CNTNAP2: variants seen among roughly 807,000 people sequenced by gnomAD.
CNTNAP2 encodes contactin associated protein 2, also known as contactin-associated protein-like 2.
CNTNAP2 carries 98 observed loss-of-function variants against 155.2 expected under a neutral mutation model. The ratio of observed to expected loss-of-function variants is 0.63; its 90% CI spans 0.54 to 0.75. The LOEUF is 0.75. CNTNAP2 is among the 30% of genes least tolerant of loss of function. CNTNAP2 has a pLI of 0.00. For synonymous variants in CNTNAP2, 651 were observed against 631.2 expected (o/e 1.03, Z -0.47); for missense variants, 1,727 against 1,688.1 (o/e 1.02, Z -0.40).
chr7:147,393,558 C>G (rs916600352), intron 9 of CNTNAP2, among the ~76,000 whole-genome samples: 2 of 151,408 alleles, frequency 1.3e-5, no homozygotes, highest in African/African-American at 4.8e-5. Flanking sequence ...GGTGTTTTCT[C>G]TCTGCTAAGT....
chr7:148,159,520 A>G (rs1000461979), intron 17 of CNTNAP2, among the ~76,000 whole-genome samples: 2 of 152,102 alleles, frequency 1.3e-5, no homozygotes. Flanking sequence ...CATTATGTGT[A>G]TTTACCACGC....
intron 3 of CNTNAP2, among the ~76,000 whole-genome samples, chr7:147,022,611 T>TG (rs1238427076): frequency 1.3e-5 from 2 of 151,572 alleles, no homozygotes; most frequent in African/African-American, 4.8e-5. Context: ...ACACATGGTT[T>TG]TTTTTTTTTT....
rs118156673 is a variant in CNTNAP2 at position 147,648,136 on chromosome 7, T to C, written c.2098+8830T>C. On this transcript the variant is annotated intron_variant, in intron 13 of 23. Transcript: ENST00000361727. ...AGAGTAGGGGTTTAAAAATGTTTGATATTTTTAGGGATGAGGAGTTGTAAG... is the reference window on the plus strand; with the variant it reads ...AGAGTAGGGGTTTAAAAATGTTTGACATTTTTAGGGATGAGGAGTTGTAAG... 6.0e-3 allele frequency among the ~76,000 whole-genome samples: 917 copies of C among 152,304 alleles called. 7 individuals are homozygous for C. Among genetic ancestry groups the C allele is most frequent in the Middle Eastern group, 0.01 (3 of 294 alleles).
At chr7:147,973,870 C>T (rs112914151) in intron 14 of CNTNAP2, among the ~76,000 whole-genome samples, 4 of 152,232 alleles carry the variant, frequency 2.6e-5, no homozygotes, top group African/African-American at 9.6e-5. Flanking sequence ...TCATTCTTCT[C>T]ATCAGTAAAA....
chr7:146,137,535 T>A (rs545054921), intron 1 of CNTNAP2, among the ~76,000 whole-genome samples: 1 of 152,222 alleles, frequency 6.6e-6, no homozygotes, highest in African/African-American at 2.4e-5. Flanking sequence ...TACGCTGTAC[T>A]AGCAAACTGT....
chr7:147,085,009 A>T (rs973642341), intron 4 of CNTNAP2, among the ~76,000 whole-genome samples: 1 of 151,974 alleles, frequency 6.6e-6, no homozygotes, highest in East Asian at 1.9e-4. Flanking sequence ...AGTACTTATA[A>T]AATCAGGCTT....
chr7:147,623,757 A>T (rs1454698809), intron 12 of CNTNAP2, among the ~76,000 whole-genome samples: 1 of 131,680 alleles, frequency 7.6e-6, no homozygotes, highest in Non-Finnish European at 1.5e-5. Context: ...AAAAATTTTA[A>T]ATTTAAAATT....
At chr7:147,229,547 C>G (rs1216225239) in intron 8 of CNTNAP2, among the ~76,000 whole-genome samples, 2 of 152,174 alleles carry the variant, frequency 1.3e-5, no homozygotes, top group Non-Finnish European at 2.9e-5. Context: ...AATGCAGACA[C>G]AGTGACAGGT....
chr7:147,728,178 T>C, intron 13 of CNTNAP2, among the ~76,000 whole-genome samples: 1 of 148,806 alleles, frequency 6.7e-6, no homozygotes, highest in Non-Finnish European at 1.5e-5. Flanking sequence ...ACACAATGTG[T>C]GTGTGTGTGT....
intron 18 of CNTNAP2, among the ~76,000 whole-genome samples, chr7:148,216,778 A>T (rs1422659801): frequency 6.6e-6 from 1 of 152,166 alleles, no homozygotes; most frequent in East Asian, 1.9e-4. Flanking sequence ...AGTTCCCATA[A>T]TCCCCTCATG....
intron 13 of CNTNAP2, among the ~76,000 whole-genome samples, chr7:147,744,986 C>T (rs1266987510): frequency 6.6e-6 from 1 of 152,110 alleles, no homozygotes; most frequent in East Asian, 1.9e-4. Flanking sequence ...GATCAAGGGA[C>T]ACCTAGTTCA....
chr7:146,267,197 C>T (rs1454176798), intron 1 of CNTNAP2, among the ~76,000 whole-genome samples: 1 of 152,052 alleles, frequency 6.6e-6, no homozygotes, highest in Admixed American at 6.6e-5. Context: ...TTTATGTGCT[C>T]ATCAAATGGA....
intron 1 of CNTNAP2, among the ~76,000 whole-genome samples, chr7:146,483,149 G>A (rs1584945696): frequency 1.3e-5 from 2 of 149,746 alleles, no homozygotes; most frequent in African/African-American, 2.4e-5. Context: ...GGTGGCGGGC[G>A]CCTGTAGTCT....
intron 13 of CNTNAP2, among the ~76,000 whole-genome samples, chr7:147,769,936 T>C (rs1367753290): frequency 6.6e-6 from 1 of 152,178 alleles, no homozygotes; most frequent in African/African-American, 2.4e-5. Flanking sequence ...TCACTTAGTA[T>C]AGACTCAGGA....
intron 8 of CNTNAP2, among the ~76,000 whole-genome samples, chr7:147,147,409 T>C (rs1291462863): frequency 4.6e-5 from 7 of 152,252 alleles, no homozygotes; most frequent in South Asian, 2.1e-4. Context: ...TAAAATCAAA[T>C]GTACATCAAC....
At chr7:146,748,619 A>G (rs776248458) in intron 1 of CNTNAP2, among the ~76,000 whole-genome samples, 8 of 152,202 alleles carry the variant, frequency 5.3e-5, no homozygotes, top group South Asian at 2.1e-4. Flanking sequence ...TTTTTCTTTC[A>G]GTAGTTTAGA....
At chr7:147,135,764 T>C (rs1222764822) in intron 8 of CNTNAP2, among the ~76,000 whole-genome samples, 2 of 150,076 alleles carry the variant, frequency 1.3e-5, no homozygotes, top group Non-Finnish European at 3.0e-5. Flanking sequence ...GATATTTTCT[T>C]TTCTTTTGCT....
intron 8 of CNTNAP2, among the ~76,000 whole-genome samples, chr7:147,139,008 A>G (rs552208682): frequency 7.9e-5 from 12 of 152,198 alleles, no homozygotes; most frequent in Non-Finnish European, 1.5e-4. Flanking sequence ...TGATACTAAG[A>G]GAATAAAAAT....
At chr7:146,487,127 A>G (rs1370315185) in intron 1 of CNTNAP2, among the ~76,000 whole-genome samples, 4 of 152,210 alleles carry the variant, frequency 2.6e-5, no homozygotes, top group African/African-American at 7.2e-5. Context: ...ATAAGTCATG[A>G]TCTCATTGAA....
Sources: allele counts gnomAD v4.1 joint callset (sites outside exome capture counted in the v4.1 genomes callset), GRCh38; gene constraint gnomAD v4.1.1; transcripts MANE v1.5; gene names NCBI Gene and HGNC (gene_info 2026-07-23, HGNC 2026-07-21).